SHANK2: variants seen among roughly 807,000 people sequenced by gnomAD.
SHANK2 encodes SH3 and multiple ankyrin repeat domains 2.
Under a neutral mutation model 133.7 loss-of-function variants are expected in SHANK2, and 43 were observed. That is an observed-to-expected ratio of 0.32 (90% CI 0.25 to 0.41). SHANK2 has a LOEUF of 0.41. Ranked by LOEUF, SHANK2 falls within the 10% of genes least tolerant of loss-of-function variation. The pLI, the probability that SHANK2 is intolerant of heterozygous loss-of-function variation, is 1.00. For missense variants in SHANK2, 1,994 were observed against 2,235.8 expected (o/e 0.89, Z 2.18); for synonymous variants, 1,017 against 952.8 (o/e 1.07, Z -1.24).
chr11:70,801,373 G>A (rs1565325759), intron 13 of SHANK2, among the ~76,000 whole-genome samples: 1 of 152,118 alleles, frequency 6.6e-6, no homozygotes, highest in East Asian at 1.9e-4. Context: ...GACGTGTGCC[G>A]AGGGTGCAGG....
chr11:70,681,765 C>T (rs1250453360), intron 15 of SHANK2, among the ~76,000 whole-genome samples: 1 of 152,028 alleles, frequency 6.6e-6, no homozygotes, highest in East Asian at 1.9e-4. Context: ...GGTGGGAGCA[C>T]GAGGCAAGGG....
rs2135853218 is a variant in SHANK2, at chr11:71,252,409, C to T, written c.-113+16G>A. The T allele has an allele frequency of 6.6e-6, 1 of 152,194 alleles. No homozygotes were observed. Among genetic ancestry groups the T allele is most frequent in the South Asian group, 2.1e-4 (1 of 4,828 alleles). The allele number at this position is 152,194 out of a possible 1,614,324, so 9.4% of individuals were successfully genotyped here. ...CCTCCCCGGCCCGCGCCCTGCGTCC[C>T]CGGCCGCCGCCTCACCTGGCTCGGC... On this transcript the variant is annotated intron_variant, in intron 1 of 25. Transcript: ENST00000601538. The surrounding 1 kb of genome is among the most constrained non-coding windows in gnomAD (Gnocchi z 6.3).
At chr11:71,142,953 G>T (rs185939090) in intron 3 of SHANK2, among the ~76,000 whole-genome samples, 2 of 152,294 alleles carry the variant, frequency 1.3e-5, no homozygotes, top group Non-Finnish European at 2.9e-5. Context: ...TACAGAGCAG[G>T]TCAGGCACAG....
At chr11:70,790,813 T>A (rs1947772127) in intron 14 of SHANK2, among the ~76,000 whole-genome samples, 1 of 152,290 alleles carries the variant, frequency 6.6e-6, no homozygotes, top group East Asian at 1.9e-4. Context: ...ATCTGCAGCA[T>A]CCAGGTTCCC....
intron 8 of SHANK2, among the ~76,000 whole-genome samples, chr11:71,081,171 C>A (rs938382122): frequency 0.14 from 21,131 of 152,132 alleles, 1,548 homozygotes; most frequent in Non-Finnish European, 0.16. Flanking sequence ...TGTGAAGATG[C>A]AGAGAAAAGG....
rs999373081 is a variant in SHANK2 at position 71,070,234 on chromosome 11, G to C, written c.1029+4925C>G. Among the ~76,000 whole-genome samples, 63 of 152,292 alleles carry C rather than the reference G, an allele frequency of 4.1e-4. 1 individual carries two copies. The highest frequency in any genetic ancestry group is 1.5e-3 in the African/African-American group (61 of 41,550). On this transcript the variant is annotated intron_variant, in intron 9 of 25. Transcript: ENST00000601538. ...TGAGACACTCCAAAGAGTTTGGGGA[G>C]GGCATGAGGGAGGAGATTAAAGACA...
chr11:71,163,093 A>AAACATATATATATATATATATAGATATAT, intron 2 of SHANK2, among the ~76,000 whole-genome samples: 1 of 84,678 alleles, frequency 1.2e-5, no homozygotes, highest in Non-Finnish European at 2.5e-5. Context: ...AAAAAAAAAA[A>AAACATATATATATATATATATAGATATAT]ATACATATAT....
intron 3 of SHANK2, among the ~76,000 whole-genome samples, chr11:71,131,862 CT>C (rs1318505328): frequency 6.6e-6 from 1 of 152,168 alleles, no homozygotes; most frequent in Non-Finnish European, 1.5e-5. Flanking sequence ...TCCTTATGTT[CT>C]CCGGGAGGCC....
chr11:70,583,784 C>T (rs377164401), intron 17 of SHANK2, among the ~76,000 whole-genome samples: 89 of 152,320 alleles, frequency 5.8e-4, no homozygotes, highest in African/African-American at 2.1e-3. Flanking sequence ...GAACGATCCT[C>T]CGCAACCCAA....
chr11:70,553,576 A>C (rs1445717993), intron 17 of SHANK2, among the ~76,000 whole-genome samples: 4 of 151,912 alleles, frequency 2.6e-5, no homozygotes, highest in Non-Finnish European at 5.9e-5. Flanking sequence ...TCACTGGAAC[A>C]CTCAGCCACG....
chr11:70,751,931 C>T (rs1488435222), intron 14 of SHANK2, among the ~76,000 whole-genome samples: 2 of 150,824 alleles, frequency 1.3e-5, no homozygotes, highest in South Asian at 2.1e-4. Context: ...AATAATAATC[C>T]AAAAATTATC....
chr11:70,558,884 C>T (rs1227461709), intron 17 of SHANK2, among the ~76,000 whole-genome samples: 1 of 152,190 alleles, frequency 6.6e-6, no homozygotes, highest in African/African-American at 2.4e-5. Context: ...GAGAAAGCAG[C>T]CCCCGTTGGA....
chr11:70,881,184 T>C (rs1949653962), intron 11 of SHANK2, among the ~76,000 whole-genome samples: 1 of 152,172 alleles, frequency 6.6e-6, no homozygotes, highest in Non-Finnish European at 1.5e-5. Flanking sequence ...ATTACAGGCC[T>C]GCACCACCAC....
rs781829107 is a variant in SHANK2, at chr11:70,490,390, G to A, written c.2440-3C>T. ...ATTCCTTGGCGTTCGTACACAGACT[G>A]CAAACCAGAGAGCCTAGGGTGAGAC... On this transcript the variant is annotated splice_region_variant and splice_polypyrimidine_tract_variant and intron_variant, in intron 22 of 25. Coordinates refer to ENST00000601538, the MANE Select transcript of SHANK2 (RefSeq NM_012309.5). 7 of 1,613,220 alleles carry A rather than the reference G, an allele frequency of 4.3e-6. No homozygotes were observed. The East Asian group carries it at 6.7e-5, about 15-fold the overall frequency.
intron 14 of SHANK2, chr11:70,705,935 G>A (rs1565256507): frequency 6.6e-6 from 1 of 152,224 alleles, no homozygotes; most frequent in African/African-American, 2.4e-5. Context: ...TTTAAAAAAT[G>A]TAAATCAGGT....
intron 14 of SHANK2, among the ~76,000 whole-genome samples, chr11:70,721,791 C>T (rs1435482740): frequency 2.0e-5 from 3 of 152,262 alleles, no homozygotes; most frequent in African/African-American, 4.8e-5. Context: ...ACCATCTGAG[C>T]TCAGAGCCTA....
At chr11:71,192,670 TA>T (rs1953815849) in intron 2 of SHANK2, among the ~76,000 whole-genome samples, 2 of 152,184 alleles carry the variant, frequency 1.3e-5, no homozygotes, top group Non-Finnish European at 2.9e-5. Context: ...GAAAATGACC[TA>T]ATCAATCCAA....
intron 3 of SHANK2, among the ~76,000 whole-genome samples, chr11:71,128,641 T>C (rs1209167074): frequency 6.6e-6 from 1 of 152,198 alleles, no homozygotes; most frequent in Non-Finnish European, 1.5e-5. Context: ...AAAAGGGAGC[T>C]GTGTCCTAGC....
intron 6 of SHANK2, among the ~76,000 whole-genome samples, chr11:71,095,614 G>T (rs745765140): frequency 1.3e-5 from 2 of 152,212 alleles, no homozygotes; most frequent in Non-Finnish European, 2.9e-5. Flanking sequence ...CCTTTCACAA[G>T]GCGTGTGTCT....
Sources: gnomAD v4.1 joint callset for allele counts (sites outside exome capture counted in the v4.1 genomes callset) on GRCh38, gnomAD v4.1.1 for gene constraint, Gnocchi (gnomAD v3.1) non-coding constraint, MANE v1.5 for transcripts, NCBI Gene and HGNC (gene_info 2026-07-23, HGNC 2026-07-21) for gene names.